Variants in TENM2 observed in about 807,000 individuals in gnomAD.
TENM2 encodes the protein teneurin-2.
A neutral mutation model predicts 245.2 loss-of-function variants in TENM2; 52 were observed. That is an observed-to-expected ratio of 0.21 (90% CI 0.17 to 0.27). The LOEUF is 0.27. Ranked by LOEUF, TENM2 falls within the 10% of genes least tolerant of loss-of-function variation. The pLI is 1.00. For synonymous variants in TENM2, 1,363 were observed against 1,438.9 expected (o/e 0.95, Z 1.19); for missense variants, 3,046 against 3,666.8 (o/e 0.83, Z 4.37).
chr5:167,863,417 C>G (rs1185747002), intron 2 of TENM2, among the ~76,000 whole-genome samples: 2 of 151,206 alleles, frequency 1.3e-5, no homozygotes, highest in African/African-American at 4.9e-5. Flanking sequence ...GAGTTTGAGA[C>G]CAGTCTGGCC....
intron 12 of TENM2, among the ~76,000 whole-genome samples, chr5:168,140,959 G>A (rs118103338): frequency 4.6e-5 from 7 of 152,234 alleles, no homozygotes; most frequent in East Asian, 1.9e-4. Flanking sequence ...TAGAACACCC[G>A]AGAAAGTTGG....
At chr5:167,068,878 G>T in the TENM2 span, among the ~76,000 whole-genome samples, 1 of 152,114 alleles carries the variant, frequency 6.6e-6, no homozygotes, top group Non-Finnish European at 1.5e-5. Flanking sequence ...CTTTTATGTG[G>T]ACTTAGAATA....
At chr5:167,928,191 T>G (rs891876129) in intron 3 of TENM2, among the ~76,000 whole-genome samples, 2 of 152,200 alleles carry the variant, frequency 1.3e-5, no homozygotes, top group African/African-American at 4.8e-5. Flanking sequence ...TTCTTGTCTC[T>G]CCTATTGGCA....
intron 25 of TENM2, among the ~76,000 whole-genome samples, chr5:168,230,217 C>A (rs1764725264): frequency 6.6e-6 from 1 of 152,170 alleles, no homozygotes. Flanking sequence ...TCTATCAACA[C>A]CTCAACATTT....
intron 2 of TENM2, among the ~76,000 whole-genome samples, chr5:167,838,675 G>A (rs921497473): frequency 4.6e-5 from 7 of 152,206 alleles, no homozygotes; most frequent in South Asian, 2.1e-4. Flanking sequence ...TATCTCAGCC[G>A]ATTCTTTGCC....
rs559356022 is a variant in TENM2, at chr5:167,338,374, T to C, written c.227-36824T>C. On this transcript the variant is annotated intron_variant, in intron 1 of 28. Coordinates refer to ENST00000518659, the Ensembl canonical transcript of TENM2. ...TCATTCTCACTTACATTCGTGTCCA[T>C]TACGGGTTAACTAGGAACTTCACTC... is the stretch of plus-strand genomic sequence containing the variant. 1.1e-4 allele frequency among the ~76,000 whole-genome samples: 17 copies of C among 152,344 alleles called. 1 individual carries two copies. In the East Asian group the frequency reaches 3.3e-3, roughly 29 times the overall value.
chr5:167,407,490 A>G (rs1762697313), intron 2 of TENM2, among the ~76,000 whole-genome samples: 1 of 152,114 alleles, frequency 6.6e-6, no homozygotes, highest in Non-Finnish European at 1.5e-5. Flanking sequence ...TTACTACCTG[A>G]ATTAATTAAA....
intron 4 of TENM2, among the ~76,000 whole-genome samples, chr5:167,968,076 G>A (rs1037014153): frequency 1.3e-5 from 2 of 152,042 alleles, no homozygotes; most frequent in African/African-American, 4.8e-5. Flanking sequence ...TTGTGAGTTG[G>A]AATCTTATGT....
At chr5:167,595,309 T>G (rs2127714500) in intron 2 of TENM2, among the ~76,000 whole-genome samples, 1 of 152,198 alleles carries the variant, frequency 6.6e-6, no homozygotes, top group South Asian at 2.1e-4. Flanking sequence ...CCACAGAAAC[T>G]CTTAAGGTGC....
At chr5:168,167,062 T>G (rs1345693552) in intron 13 of TENM2, among the ~76,000 whole-genome samples, 1 of 151,756 alleles carries the variant, frequency 6.6e-6, no homozygotes, top group Non-Finnish European at 1.5e-5. Context: ...TGGCAGACTG[T>G]CTTTTTAATA....
At chr5:167,097,443 C>T in the TENM2 span, among the ~76,000 whole-genome samples, 2 of 152,000 alleles carry the variant, frequency 1.3e-5, no homozygotes, top group Non-Finnish European at 2.9e-5. Flanking sequence ...CCTCACTTTG[C>T]ACCTGGAATG....
chr5:167,641,708 CTAGT>C (rs1013839920), intron 2 of TENM2, among the ~76,000 whole-genome samples: 7 of 152,126 alleles, frequency 4.6e-5, no homozygotes, highest in African/African-American at 1.7e-4. Context: ...TGAACCTGGG[CTAGT>C]TAGTTAACTT....
At chr5:167,066,702 A>G in the TENM2 span, among the ~76,000 whole-genome samples, 1 of 152,140 alleles carries the variant, frequency 6.6e-6, no homozygotes, top group African/African-American at 2.4e-5. Flanking sequence ...TCCAAGCAAC[A>G]TCTTTTGGCA....
At chr5:167,700,687 C>G (rs977141) in intron 2 of TENM2, among the ~76,000 whole-genome samples, 7,061 of 152,056 alleles carry the variant, frequency 0.046, 555 homozygotes, top group African/African-American at 0.16. Context: ...CCATGCTTTT[C>G]TGGGTTATAT....
chr5:167,144,075 C>T, the TENM2 span, among the ~76,000 whole-genome samples: 1 of 151,990 alleles, frequency 6.6e-6, no homozygotes, highest in Non-Finnish European at 1.5e-5. Flanking sequence ...ACCCAAGCAG[C>T]TGTATTATTC....
the TENM2 span, among the ~76,000 whole-genome samples, chr5:167,253,491 T>G: frequency 6.6e-6 from 1 of 152,010 alleles, no homozygotes; most frequent in African/African-American, 2.4e-5. Context: ...GTCATAATGG[T>G]TAAGTTTTTA....
chr5:167,780,157 CTCT>C (rs1764094365), intron 2 of TENM2, among the ~76,000 whole-genome samples: 1 of 152,208 alleles, frequency 6.6e-6, no homozygotes, highest in Admixed American at 6.5e-5. Flanking sequence ...ACTCTATCAG[CTCT>C]TCTTACTTTG....
chr5:167,401,484 A>G (rs1762363474), intron 2 of TENM2, among the ~76,000 whole-genome samples: 1 of 152,176 alleles, frequency 6.6e-6, no homozygotes, highest in African/African-American at 2.4e-5. Context: ...TTATTGAACA[A>G]GAAGTCTTTA....
At chr5:167,112,440 G>T in the TENM2 span, among the ~76,000 whole-genome samples, 2 of 152,234 alleles carry the variant, frequency 1.3e-5, no homozygotes, top group South Asian at 2.1e-4. Context: ...GGGGAAAAAG[G>T]TTCATGTACA....
Sources: gnomAD v4.1 joint callset for allele counts (sites outside exome capture counted in the v4.1 genomes callset) on GRCh38, gnomAD v4.1.1 for gene constraint, MANE v1.5 for transcripts, NCBI Gene and HGNC (gene_info 2026-07-23, HGNC 2026-07-21) for gene names.